NAV3: variants seen among roughly 807,000 people sequenced by gnomAD.
NAV3 encodes the protein neuron navigator 3, also known as pore membrane and/or filament interacting like protein 1.
A neutral mutation model predicts 244.7 loss-of-function variants in NAV3; 87 were observed. The observed-to-expected ratio is 0.36, with a 90% CI of 0.30 to 0.42. The LOEUF (loss-of-function observed/expected upper bound fraction) is 0.42. Ranked by LOEUF, NAV3 falls within the 20% of genes least tolerant of loss-of-function variation. The probability of loss-of-function intolerance (pLI) is 1.00; values close to 1 mark genes in which losing one functional copy is unlikely to be tolerated. For missense variants in NAV3, 2,663 were observed against 2,893.3 expected (o/e 0.92, Z 1.83); for synonymous variants, 1,126 against 1,042.2 (o/e 1.08, Z -1.55).
upstream of NAV3, among the ~76,000 whole-genome samples, chr12:77,826,992 C>T (rs1029156566): frequency 5.3e-5 from 8 of 152,098 alleles, no homozygotes; most frequent in Admixed American, 3.9e-4. Context: ...GAGGCCAAGG[C>T]GGGCAGATCA....
chr12:77,677,416 G>T (rs889555795), intron 2 of NAV3, among the ~76,000 whole-genome samples: 2 of 152,160 alleles, frequency 1.3e-5, no homozygotes, highest in African/African-American at 4.8e-5. Flanking sequence ...CCCTGCACTT[G>T]GTTTAATGCC....
chr12:78,055,374 G>A (rs901640495), intron 11 of NAV3, among the ~76,000 whole-genome samples: 1 of 152,080 alleles, frequency 6.6e-6, no homozygotes, highest in African/African-American at 2.4e-5. Context: ...CAGGCATATT[G>A]TACTCAGGAG....
chr12:77,756,007 T>G (rs1479522960), intron 2 of NAV3, among the ~76,000 whole-genome samples: 2 of 152,142 alleles, frequency 1.3e-5, no homozygotes, highest in African/African-American at 2.4e-5. Flanking sequence ...GTCTTTGAAA[T>G]AGATCAACTT....
intron 8 of NAV3, among the ~76,000 whole-genome samples, chr12:78,019,979 G>A (rs2136783628): frequency 6.6e-6 from 1 of 152,260 alleles, no homozygotes. Context: ...AAAGTGCTGG[G>A]TTAGAGTTAG....
intron 9 of NAV3, among the ~76,000 whole-genome samples, chr12:78,034,012 A>C (rs570929949): frequency 1.3e-5 from 2 of 152,312 alleles, no homozygotes; most frequent in East Asian, 3.9e-4. Flanking sequence ...AGCTGTAACA[A>C]ACAGAGTGGA....
chr12:78,135,495 C>A (rs530902045), intron 18 of NAV3, among the ~76,000 whole-genome samples: 2 of 152,262 alleles, frequency 1.3e-5, no homozygotes, highest in South Asian at 4.1e-4. Context: ...GATATCTCTG[C>A]AATCATTTAG....
chr12:77,946,852 T>C (rs1266692519), intron 3 of NAV3, among the ~76,000 whole-genome samples: 1 of 152,122 alleles, frequency 6.6e-6, no homozygotes, highest in African/African-American at 2.4e-5. Context: ...ATTTAAAACA[T>C]TTTTTAAATA....
chr12:77,915,412 G>T (rs1565917428), intron 1 of NAV3, among the ~76,000 whole-genome samples: 1 of 151,832 alleles, frequency 6.6e-6, no homozygotes, highest in Non-Finnish European at 1.5e-5. Context: ...TTCTTGTATA[G>T]CCCTCCAGAG....
intron 2 of NAV3, among the ~76,000 whole-genome samples, chr12:77,768,042 C>A (rs1248133709): frequency 6.6e-6 from 1 of 152,192 alleles, no homozygotes; most frequent in Non-Finnish European, 1.5e-5. Flanking sequence ...TTTTGACAGG[C>A]AGGTTGTTCC....
At chr12:77,747,157 A>T (rs948770687) in intron 2 of NAV3, among the ~76,000 whole-genome samples, 1 of 152,174 alleles carries the variant, frequency 6.6e-6, no homozygotes, top group African/African-American at 2.4e-5. Flanking sequence ...TCTAAAAAAT[A>T]GTGTAGTAGA....
intron 1 of NAV3, among the ~76,000 whole-genome samples, chr12:77,916,359 T>C (rs1446014383): frequency 2.5e-5 from 3 of 120,490 alleles, no homozygotes. Context: ...AGACTAAACA[T>C]AAGTCTCTTT....
intron 2 of NAV3, among the ~76,000 whole-genome samples, chr12:77,602,451 T>A (rs942241526): frequency 2.6e-5 from 4 of 151,938 alleles, no homozygotes; most frequent in African/African-American, 9.7e-5. Context: ...AATAGGTTGT[T>A]TGAAAAAGGA....
At chr12:77,886,269 T>C (rs992085169) in intron 1 of NAV3, among the ~76,000 whole-genome samples, 5 of 152,172 alleles carry the variant, frequency 3.3e-5, no homozygotes, top group African/African-American at 1.2e-4. Flanking sequence ...TCTAGTAACA[T>C]TCAAGGGCTT....
chr12:78,171,825 T>C (rs1230377194), intron 24 of NAV3, among the ~76,000 whole-genome samples: 1 of 151,594 alleles, frequency 6.6e-6, no homozygotes, highest in Non-Finnish European at 1.5e-5. Flanking sequence ...TCTTAAAAGA[T>C]ATATTTGGAA....
intron 2 of NAV3, among the ~76,000 whole-genome samples, chr12:77,770,432 T>TA (rs1232463049): frequency 1.3e-5 from 2 of 152,158 alleles, no homozygotes; most frequent in East Asian, 3.9e-4. Flanking sequence ...ATCAGGCCAG[T>TA]AAAAAATCTG....
chr12:78,110,872 A>G (rs1048860543), intron 12 of NAV3, among the ~76,000 whole-genome samples: 2 of 152,094 alleles, frequency 1.3e-5, no homozygotes, highest in Non-Finnish European at 2.9e-5. Flanking sequence ...TTGCAGCAAC[A>G]TGGTTGAAAC....
chr12:78,042,934 G>GTT (rs35626608), intron 9 of NAV3, among the ~76,000 whole-genome samples: 1 of 149,190 alleles, frequency 6.7e-6, no homozygotes. Flanking sequence ...AATGATCATA[G>GTT]TTTTTTTTTT....
chr12:77,660,115 T>TA lies in NAV3; in HGVS notation c.72+87859dup, dbSNP rs575126196. Among the ~76,000 whole-genome samples, 109 of 147,402 alleles carry TA rather than the reference T, an allele frequency of 7.4e-4. No homozygotes were observed. The South Asian group carries it at 9.6e-3, about 13-fold the overall frequency. On this transcript the variant is annotated intron_variant, in intron 2 of 8. Transcript: ENST00000550042. ...CCTAAAAGTTAAAGTATCATAATAA[T>TA]AAAAAAAAAAGAATATGAGATAGTC... is the stretch of plus-strand genomic sequence containing the variant.
At chr12:77,959,808 G>C (rs771281557) in intron 3 of NAV3, among the ~76,000 whole-genome samples, 15 of 144,340 alleles carry the variant, frequency 1.0e-4, no homozygotes, top group South Asian at 2.1e-4. Flanking sequence ...TAACCCCTTG[G>C]CACTTCCATT....
Sources: allele counts gnomAD v4.1 joint callset (sites outside exome capture counted in the v4.1 genomes callset), GRCh38; gene constraint gnomAD v4.1.1; transcripts MANE v1.5; gene names NCBI Gene and HGNC (gene_info 2026-07-23, HGNC 2026-07-21).